CUX1: variants seen among roughly 807,000 people sequenced by gnomAD.
CUX1 encodes the protein cut like homeobox 1.
A neutral mutation model predicts 158.8 loss-of-function variants in CUX1; 31 were observed. The ratio of observed to expected loss-of-function variants is 0.20; its 90% confidence interval spans 0.15 to 0.26. The LOEUF is 0.26. Among genes scored for constraint, CUX1 ranks in the 10% least tolerant of loss-of-function variants. The pLI, the probability that CUX1 is intolerant of heterozygous loss-of-function variation, is 1.00. For missense variants in CUX1, 1,589 were observed against 2,014.6 expected (o/e 0.79, Z 4.04); for synonymous variants, 879 against 862.1 (o/e 1.02, Z -0.34).
rs562041862 is a variant in CUX1 at position 102,126,986 on chromosome 7, G to A, written c.674+11713G>A. On this transcript the variant is annotated intron_variant, in intron 8 of 23. Coordinates refer to ENST00000292535, the MANE Select transcript of CUX1 (RefSeq NM_181552.4). ...TGTGCAGCCTAGATCCCTCGCATGC[G>A]CAGTTCACAGTAGGGTTTGCACTCC... Among the ~76,000 whole-genome samples, 7 of 152,202 alleles carry A rather than the reference G, an allele frequency of 4.6e-5. No individual in the cohort carries two copies. In the East Asian group the frequency reaches 5.8e-4, roughly 13 times the overall value.
chr7:102,222,505 T>C (rs1320594528), intron 20 of CUX1, among the ~76,000 whole-genome samples: 1 of 152,096 alleles, frequency 6.6e-6, no homozygotes, highest in Non-Finnish European at 1.5e-5. Flanking sequence ...ATTGGGAGAA[T>C]TGAATGAAGC....
Position 102,097,374 on chromosome 7 carries a change from A to G in CUX1, c.279A>G (p.Pro93=). ...TTTCCTGTTGTGCAGATCCCGTACC[A>G]GCTTTGGATCTCGGACAGCAACTCC... The part of the protein sequence containing the change: ...KRLIDVPDPV[P]ALDLGQQLQL... The change falls in exon 5 of 24, where the codon CCA becomes CCG. Residue 93 remains proline, a synonymous_variant. Transcript: ENST00000292535. 1 of 1,608,262 alleles carries G rather than the reference A, an allele frequency of 6.2e-7. No homozygotes were observed. Among genetic ancestry groups the G allele is most frequent in the Non-Finnish European group, 8.5e-7 (1 of 1,178,756 alleles).
chr7:102,242,205 C>CTT (rs67514665), intron 23 of CUX1, among the ~76,000 whole-genome samples: 60 of 93,010 alleles, frequency 6.5e-4, no homozygotes, highest in Admixed American at 9.5e-4. Context: ...TTCTTTCTTT[C>CTT]TTTTTTTTTT....
chr7:102,151,410 G>T (rs868940712), intron 8 of CUX1, among the ~76,000 whole-genome samples: 1 of 151,980 alleles, frequency 6.6e-6, no homozygotes, highest in Non-Finnish European at 1.5e-5. Context: ...AAAATTAGCC[G>T]GGTGTGGTGG....
At chr7:101,821,671 C>CTTTCTTTTTT (rs1792577760) in intron 1 of CUX1, among the ~76,000 whole-genome samples, 2 of 51,316 alleles carry the variant, frequency 3.9e-5, no homozygotes, top group African/African-American at 1.6e-4. Flanking sequence ...TTTCTTTTTT[C>CTTTCTTTTTT]TTTTTTTTTT....
chr7:102,169,522 G>A (rs952621635), intron 9 of CUX1, among the ~76,000 whole-genome samples: 2 of 152,198 alleles, frequency 1.3e-5, no homozygotes, highest in East Asian at 1.9e-4. Flanking sequence ...GTATTAAGCC[G>A]GCACAAGGCC....
intron 1 of CUX1, among the ~76,000 whole-genome samples, chr7:101,908,184 T>C (rs974765200): frequency 4.6e-5 from 7 of 152,254 alleles, no homozygotes; most frequent in Non-Finnish European, 8.8e-5. Context: ...TATGTGTATC[T>C]GTGTATTTGC....
chr7:102,235,288 C>A (rs1375449320), intron 22 of CUX1, among the ~76,000 whole-genome samples: 4 of 152,202 alleles, frequency 2.6e-5, no homozygotes, highest in Non-Finnish European at 5.9e-5. Flanking sequence ...GCTGGGAGCT[C>A]ACTGGGCGGC....
At chr7:102,139,019 C>T (rs374333345) in intron 8 of CUX1, among the ~76,000 whole-genome samples, 2 of 151,866 alleles carry the variant, frequency 1.3e-5, no homozygotes, top group Non-Finnish European at 2.9e-5. Context: ...TCAAGGCAGG[C>T]GGATCATTTG....
chr7:102,007,205 G>T (rs984472347), intron 2 of CUX1, among the ~76,000 whole-genome samples: 2 of 152,156 alleles, frequency 1.3e-5, no homozygotes, highest in Non-Finnish European at 2.9e-5. Context: ...GCAGGGGCGC[G>T]ATCCTGGCTC....
Position 102,253,019 on chromosome 7 carries a change from T to G in CUX1, c.*3977T>G, listed in dbSNP as rs1801681167. 1 of 985,362 alleles carries G rather than the reference T, an allele frequency of 1.0e-6. No homozygotes were observed. Among genetic ancestry groups the G allele is most frequent in the Non-Finnish European group, 1.2e-6 (1 of 829,930 alleles). The allele number at this position is 985,362 out of a possible 1,614,324, so 61.0% of individuals were successfully genotyped here. A position where few individuals can be genotyped will look rare whatever the true frequency, so the allele number is the denominator to read the frequency against. On this transcript the variant is annotated 3_prime_UTR_variant, in exon 24 of 24. Transcript: ENST00000292535. ...GGACCCACCATCAAAACCTGCTACTTTGTGCAAGTAATTGAGGCAAAAGAT... is the reference window on the plus strand; with the variant it reads ...GGACCCACCATCAAAACCTGCTACTGTGTGCAAGTAATTGAGGCAAAAGAT...
In CUX1 at chr7:102,251,881, A is replaced by G. The variant is rs1801553575; in HGVS notation, c.*2839A>G. On this transcript the variant is annotated 3_prime_UTR_variant, in exon 24 of 24. Coordinates refer to ENST00000292535, the MANE Select transcript of CUX1 (RefSeq NM_181552.4). ...GTTAAATCTGAGGAAATTGACAAAT[A>G]CAGATTTGTCCATTCTAGTGGCCAA... is the stretch of plus-strand genomic sequence containing the variant. 3.0e-6 allele frequency: 3 copies of G among 985,392 alleles called. No homozygotes were observed. The highest frequency in any genetic ancestry group is 3.6e-6 in the Non-Finnish European group (3 of 829,864). 61.0% of individuals were successfully genotyped at this position (985,392 alleles called of 1,614,324 possible). A position where few individuals can be genotyped will look rare whatever the true frequency, so the allele number is the denominator to read the frequency against.
At chr7:101,999,283 T>G (rs1476620751) in intron 2 of CUX1, among the ~76,000 whole-genome samples, 1 of 144,058 alleles carries the variant, frequency 6.9e-6, no homozygotes, top group East Asian at 2.3e-4. Context: ...CTCAAATTCC[T>G]GGACTCATGT....
At chr7:101,881,675 G>T (rs963908690) in intron 1 of CUX1, among the ~76,000 whole-genome samples, 28 of 152,254 alleles carry the variant, frequency 1.8e-4, no homozygotes, top group African/African-American at 6.5e-4. Flanking sequence ...TGCCTTTTCA[G>T]CGATTTGACA....
intron 2 of CUX1, among the ~76,000 whole-genome samples, chr7:101,995,724 T>C (rs1330247984): frequency 1.3e-5 from 2 of 152,214 alleles, no homozygotes; most frequent in African/African-American, 4.8e-5. Context: ...GGGCGTCTGC[T>C]TAGCACCCTG....
intron 2 of CUX1, among the ~76,000 whole-genome samples, chr7:102,000,594 G>T (rs1044286668): frequency 3.9e-5 from 6 of 152,162 alleles, no homozygotes; most frequent in Admixed American, 2.6e-4. Flanking sequence ...GCCAGATCCC[G>T]TGGGCACGTT....
intron 6 of CUX1, among the ~76,000 whole-genome samples, chr7:102,105,424 A>G (rs1366182570): frequency 7.4e-5 from 11 of 149,142 alleles, no homozygotes; most frequent in Admixed American, 7.4e-4. Context: ...GTTTTCCCCT[A>G]GTGTGATGAG....
At chr7:102,164,813 C>T (rs1247980040) in intron 9 of CUX1, among the ~76,000 whole-genome samples, 3 of 152,230 alleles carry the variant, frequency 2.0e-5, no homozygotes, top group East Asian at 3.9e-4. Flanking sequence ...CTTTGTTCCT[C>T]GGGGGACTTG....
At chr7:102,076,817 T>C (rs527514465) in intron 4 of CUX1, among the ~76,000 whole-genome samples, 2 of 151,994 alleles carry the variant, frequency 1.3e-5, no homozygotes, top group Non-Finnish European at 2.9e-5. Context: ...CTGAATTACT[T>C]GAGCCCAGGG....
Sources: gnomAD v4.1 joint callset for allele counts (sites outside exome capture counted in the v4.1 genomes callset) on GRCh38, gnomAD v4.1.1 for gene constraint, MANE v1.5 for transcripts, NCBI Gene and HGNC (gene_info 2026-07-23, HGNC 2026-07-21) for gene names.